The following AP1G1 variants were observed in gnomAD, a reference collection of about 807,000 sequenced individuals.
AP1G1 encodes AP-1 complex subunit gamma-1.
Under a neutral mutation model 108.3 loss-of-function variants are expected in AP1G1, and 7 were observed. The observed-to-expected ratio is 0.06, with a 90% CI of 0.04 to 0.12. The LOEUF (loss-of-function observed/expected upper bound fraction) is 0.12. Among genes scored for constraint, AP1G1 ranks in the 10% least tolerant of loss-of-function variants. AP1G1 has a pLI of 1.00. For synonymous variants in AP1G1, 379 were observed against 353.5 expected (o/e 1.07, Z -0.81); for missense variants, 756 against 1,010.7 (o/e 0.75, Z 3.42).
chr16:71,754,426 C>G (rs899229601), intron 12 of AP1G1, among the ~76,000 whole-genome samples: 1 of 152,040 alleles, frequency 6.6e-6, no homozygotes, highest in African/African-American at 2.4e-5. Flanking sequence ...TTTCTAGGTT[C>G]CCTGGATAAG....
At chr16:71,790,814 A>C (rs974381055) in intron 1 of AP1G1, among the ~76,000 whole-genome samples, 5 of 152,234 alleles carry the variant, frequency 3.3e-5, no homozygotes, top group Non-Finnish European at 7.3e-5. Flanking sequence ...ATCTTTGCAA[A>C]CAGGTTAAAC....
At chr16:71,795,842 TC>T (rs1285642297) in intron 1 of AP1G1, among the ~76,000 whole-genome samples, 1 of 152,196 alleles carries the variant, frequency 6.6e-6, no homozygotes, top group Non-Finnish European at 1.5e-5. Flanking sequence ...CATACCTATT[TC>T]CCCTATATGA....
chr16:71,781,018 A>C (rs887288937), intron 2 of AP1G1, among the ~76,000 whole-genome samples: 1 of 152,046 alleles, frequency 6.6e-6, no homozygotes, highest in African/African-American at 2.4e-5. Context: ...AGGTCTCACT[A>C]TGTTACCTGG....
In AP1G1 at chr16:71,745,065, G is replaced by A. The variant is rs1465436761; in HGVS notation, c.1999+79C>T. ...CCCATCTTCAAATGATTCACGTGCT[G>A]GAAAGTCTGGGTTCAGTTTAGTTTT... On this transcript the variant is annotated intron_variant, in intron 19 of 22. Transcript: ENST00000299980. 6 of 1,515,208 alleles carry A rather than the reference G, an allele frequency of 4.0e-6. No homozygotes were observed. In the African/African-American group the frequency reaches 5.6e-5, roughly 14 times the overall value. 93.9% of individuals were successfully genotyped at this position (1,515,208 alleles called of 1,614,324 possible).
intron 1 of AP1G1, 199 bp downstream of exon 1, chr16:71,808,564 C>CTCGG (rs2142298958): frequency 7.8e-7 from 1 of 1,288,884 alleles, no homozygotes; most frequent in East Asian, 5.6e-5. Flanking sequence ...GGTCCGAGGC[C>CTCGG]TCGGGGTCGG....
chr16:71,739,951 G>C (rs1043164117), intron 19 of AP1G1, among the ~76,000 whole-genome samples: 1 of 152,146 alleles, frequency 6.6e-6, no homozygotes, highest in Non-Finnish European at 1.5e-5. Context: ...CTTACAAACA[G>C]ATGCTCAATT....
intron 6 of AP1G1, among the ~76,000 whole-genome samples, chr16:71,767,049 C>T (rs1219716074): frequency 1.3e-5 from 2 of 152,086 alleles, no homozygotes; most frequent in Non-Finnish European, 2.9e-5. Flanking sequence ...ACATACTTCC[C>T]AATGGTCTGT....
At chr16:71,775,876 G>A (rs776150987) in intron 2 of AP1G1, among the ~76,000 whole-genome samples, 32 of 152,168 alleles carry the variant, frequency 2.1e-4, no homozygotes, top group Non-Finnish European at 4.4e-4. Context: ...GCTTCTTAGG[G>A]CTTAAGAGTT....
At chr16:71,739,973 G>A (rs544767317) in intron 19 of AP1G1, among the ~76,000 whole-genome samples, 9 of 152,278 alleles carry the variant, frequency 5.9e-5, no homozygotes, top group Admixed American at 5.9e-4. Flanking sequence ...TACCAGTAAT[G>A]ATGGAAGTGG....
intron 1 of AP1G1, among the ~76,000 whole-genome samples, chr16:71,792,833 G>A (rs191242802): frequency 5.7e-4 from 86 of 151,832 alleles, no homozygotes; most frequent in African/African-American, 1.7e-3. Flanking sequence ...CAGCCAGGGT[G>A]ACGGAGCGAG....
At chr16:71,767,759 G>A in intron 6 of AP1G1, 1 of 1,026,404 alleles carries the variant, frequency 9.7e-7, no homozygotes, top group East Asian at 2.4e-5. Context: ...ATAACTCACA[G>A]TATTAAGCAC....
At chr16:71,773,491 A>T in intron 3 of AP1G1, 129 bp from the exon 4 acceptor site, 1 of 953,690 alleles carries the variant, frequency 1.0e-6, no homozygotes, top group Admixed American at 3.6e-5. Flanking sequence ...TTTGTTGCAG[A>T]AAATGTTTAT....
Position 71,755,331 on chromosome 16 carries a change from G to C in AP1G1, c.1229+688C>G, listed in dbSNP as rs114420663. On this transcript the variant is annotated intron_variant, in intron 12 of 22. Coordinates refer to ENST00000299980, the MANE Select transcript of AP1G1 (RefSeq NM_001128.6). ...GTAAGCCTATGGTCCCAGCTACTTG[G>C]GGGGCTGAGGCAGGAGGATCCCCTG... 7.0e-3 allele frequency among the ~76,000 whole-genome samples: 1,067 copies of C among 152,192 alleles called. 8 individuals are homozygous for C. Among genetic ancestry groups the C allele is most frequent in the Non-Finnish European group, 0.01 (704 of 68,002 alleles).
chr16:71,808,427 C>G (rs572899114), intron 1 of AP1G1: 1 of 1,162,740 alleles, frequency 8.6e-7, no homozygotes, highest in African/African-American at 1.6e-5. Flanking sequence ...GGGGCCCGCC[C>G]CGCTAAACCC....
At chr16:71,791,697 T>C (rs1467207445) in intron 1 of AP1G1, among the ~76,000 whole-genome samples, 1 of 145,912 alleles carries the variant, frequency 6.9e-6, no homozygotes, top group East Asian at 2.0e-4. Flanking sequence ...AAAAAAGTTG[T>C]GTGTAATGGG....
At chr16:71,750,370 C>T in intron 13 of AP1G1, 38 bp from the exon 14 acceptor site, 1 of 1,609,872 alleles carries the variant, frequency 6.2e-7, no homozygotes, top group Non-Finnish European at 8.5e-7. Flanking sequence ...TAGAAACACA[C>T]AGAAATGATG....
At chr16:71,754,475 G>C (rs2030674455) in intron 12 of AP1G1, among the ~76,000 whole-genome samples, 1 of 152,092 alleles carries the variant, frequency 6.6e-6, no homozygotes, top group Non-Finnish European at 1.5e-5. Flanking sequence ...AAATCTAGCA[G>C]CAAATGCCAT....
Position 71,732,975 on chromosome 16 carries a change from G to C in AP1G1, c.*83C>G, listed in dbSNP as rs1042741484. The C allele has an allele frequency of 2.8e-6, 3 of 1,090,114 alleles. No individual in the cohort carries two copies. The highest frequency in any genetic ancestry group is 2.8e-5 in the South Asian group (2 of 71,380). 67.5% of individuals were successfully genotyped at this position (1,090,114 alleles called of 1,614,324 possible). ...GCTCCTCATGCCCGTGGTACAGTTG[G>C]GGGGGACTTGCCAGCAATCACAACC... On this transcript the variant is annotated 3_prime_UTR_variant, in exon 23 of 23. Transcript: ENST00000299980.
intron 2 of AP1G1, among the ~76,000 whole-genome samples, chr16:71,786,647 G>A (rs2032212287): frequency 6.6e-6 from 1 of 152,114 alleles, no homozygotes; most frequent in African/African-American, 2.4e-5. Context: ...TTTTAGTAGA[G>A]AGGGGGTTCC....
Sources: gnomAD v4.1 joint callset for allele counts (sites outside exome capture counted in the v4.1 genomes callset) on GRCh38, gnomAD v4.1.1 for gene constraint, MANE v1.5 for transcripts, NCBI Gene and HGNC (gene_info 2026-07-23, HGNC 2026-07-21) for gene names.